SYT1: variants seen among roughly 807,000 people sequenced by gnomAD.
SYT1 encodes the protein synaptotagmin-1.
Under a neutral mutation model 44.8 loss-of-function variants are expected in SYT1, and 8 were observed. The ratio of observed to expected loss-of-function variants is 0.18; its 90% CI spans 0.10 to 0.32. SYT1 has a LOEUF of 0.32. Among genes scored for constraint, SYT1 ranks in the 10% least tolerant of loss-of-function variants. The pLI, the probability that SYT1 is intolerant of heterozygous loss-of-function variation, is 1.00. For missense variants in SYT1, 286 were observed against 509.3 expected, an observed-to-expected ratio of 0.56 and a Z score of 4.22; for synonymous variants, 154 against 188.8, an observed-to-expected ratio of 0.82 and a Z score of 1.51.
At chr12:79,314,248 C>T (rs1307163580) in intron 8 of SYT1, among the ~76,000 whole-genome samples, 1 of 151,714 alleles carries the variant, frequency 6.6e-6, no homozygotes, top group Admixed American at 6.6e-5. Flanking sequence ...CCTTGCCAGC[C>T]GAAAAGCATT....
At chr12:79,169,370 G>T (rs1302872133) in intron 3 of SYT1, among the ~76,000 whole-genome samples, 1 of 151,872 alleles carries the variant, frequency 6.6e-6, no homozygotes, top group Non-Finnish European at 1.5e-5. Flanking sequence ...ATTATAAATG[G>T]TATGAAAAAT....
At chr12:79,144,038 C>T (rs1869725330) in intron 3 of SYT1, among the ~76,000 whole-genome samples, 1 of 152,170 alleles carries the variant, frequency 6.6e-6, no homozygotes, top group African/African-American at 2.4e-5. Context: ...AGATAAAGCA[C>T]ACCACACTTG....
At chr12:78,929,300 G>A (rs113139870) in intron 1 of SYT1, among the ~76,000 whole-genome samples, 12,134 of 150,216 alleles carry the variant, frequency 0.081, 556 homozygotes, top group East Asian at 0.18. Context: ...TACTCATGAG[G>A]CTGAGGCAGG....
intron 8 of SYT1, among the ~76,000 whole-genome samples, chr12:79,344,404 T>G (rs1463310232): frequency 6.6e-6 from 1 of 152,292 alleles, no homozygotes; most frequent in East Asian, 1.9e-4. Context: ...ATACACATGG[T>G]GGTCCAGTGC....
chr12:79,437,216 AAAGAGTTTT>A (rs1870140636), intron 9 of SYT1, among the ~76,000 whole-genome samples: 1 of 152,210 alleles, frequency 6.6e-6, no homozygotes, highest in Non-Finnish European at 1.5e-5. Flanking sequence ...ACAAGCCACT[AAAGAGTTTT>A]AATGAGGAGG....
In SYT1 at chr12:79,179,015, GATATAGATATAGAT is replaced by G. The variant is rs1359651841; in HGVS notation, c.-17-38470_-17-38457del. Among the ~76,000 whole-genome samples, 5 of 17,034 alleles carry G rather than the reference GATATAGATATAGAT, an allele frequency of 2.9e-4. 1 individual carries two copies. Among genetic ancestry groups the G allele is most frequent in the Admixed American group, 1.7e-3 (2 of 1,208 alleles). The allele number at this position is 17,034 out of a possible 152,430, so 11.2% of individuals were successfully genotyped here. On this transcript the variant is annotated intron_variant, in intron 3 of 10. Coordinates refer to ENST00000261205, the MANE Select transcript of SYT1 (RefSeq NM_005639.3). ...ATATAGATATAGATATAGATATATA[GATATAGATATAGAT>G]ATATAGATATAGATATAGATATATA...
At chr12:79,211,521 T>C (rs1222538471) in intron 3 of SYT1, among the ~76,000 whole-genome samples, 3 of 151,966 alleles carry the variant, frequency 2.0e-5, no homozygotes, top group Non-Finnish European at 4.4e-5. Flanking sequence ...ACATGTGCCA[T>C]GCTGGTGCGC....
At chr12:79,007,687 C>A (rs534664282) in intron 2 of SYT1, among the ~76,000 whole-genome samples, 2 of 151,992 alleles carry the variant, frequency 1.3e-5, no homozygotes, top group Admixed American at 6.6e-5. Flanking sequence ...TGTTCCCATA[C>A]GTCAACCTTC....
intron 8 of SYT1, among the ~76,000 whole-genome samples, chr12:79,328,605 G>T (rs1390967543): frequency 6.6e-6 from 1 of 152,156 alleles, no homozygotes; most frequent in East Asian, 1.9e-4. Flanking sequence ...CCAGCACTTT[G>T]GGAGGCTGAG....
At chr12:79,211,387 C>T (rs2138535882) in intron 3 of SYT1, among the ~76,000 whole-genome samples, 1 of 151,990 alleles carries the variant, frequency 6.6e-6, no homozygotes, top group South Asian at 2.1e-4. Flanking sequence ...CTTTTATATC[C>T]ATTTAAGATT....
At chr12:78,996,608 A>G (rs887593028) in intron 2 of SYT1, among the ~76,000 whole-genome samples, 1 of 152,188 alleles carries the variant, frequency 6.6e-6, no homozygotes, top group African/African-American at 2.4e-5. Flanking sequence ...CCTATCAATA[A>G]TTAGGTTTCT....
At position 78,931,323 on chromosome 12, in the gene SYT1, GGGAGGGAGGGAGGGAAGGAAGGAA is replaced by G. The variant is rs1451093967; in HGVS notation, c.-216-46472_-216-46449del. 2.3e-3 allele frequency among the ~76,000 whole-genome samples: 58 copies of G among 25,528 alleles called. 3 individuals are homozygous for G. Among genetic ancestry groups the G allele is most frequent in the South Asian group, 0.016 (5 of 320 alleles). The allele number at this position is 25,528 out of a possible 152,430, so 16.7% of individuals were successfully genotyped here. ...GGAAGGAAGGAGAGGGAGGGAGGGA[GGGAGGGAGGGAGGGAAGGAAGGAA>G]GGAAGGAAGGAAGGAAGGAAGGAAG... On this transcript the variant is annotated intron_variant, in intron 1 of 10. Coordinates refer to ENST00000261205, the MANE Select transcript of SYT1 (RefSeq NM_005639.3).
At chr12:79,276,402 G>T (rs1367133180) in intron 4 of SYT1, among the ~76,000 whole-genome samples, 1 of 151,900 alleles carries the variant, frequency 6.6e-6, no homozygotes, top group Non-Finnish European at 1.5e-5. Flanking sequence ...AATTAGTGGG[G>T]CGCAATGACT....
chr12:79,431,513 A>ATTTTTTTAT (rs1555225314), intron 9 of SYT1, among the ~76,000 whole-genome samples: 3 of 142,702 alleles, frequency 2.1e-5, no homozygotes, highest in Non-Finnish European at 4.5e-5. Context: ...ATTTTATTTT[A>ATTTTTTTAT]TTATTTATTT....
Position 79,285,821 on chromosome 12 carries a change from C to G in SYT1, c.201C>G (p.Val67=), listed in dbSNP as rs751003375. 37 of 1,611,200 alleles carry G rather than the reference C, an allele frequency of 2.3e-5. No individual in the cohort carries two copies. Among genetic ancestry groups the G allele is most frequent in the Non-Finnish European group, 3.1e-5 (37 of 1,179,294 alleles). ...PPWALIAIAI[V]AVLLVLTCCF... ...GGGCCTTAATTGCAATAGCCATAGT[C>G]GCAGTCCTTTTAGTCCTGACCTGCT... Residue 67 remains valine (V), a synonymous_variant, in exon 5 of 11, where the codon GTC becomes GTG. Coordinates refer to ENST00000261205, the MANE Select transcript of SYT1 (RefSeq NM_005639.3).
intron 3 of SYT1, among the ~76,000 whole-genome samples, chr12:79,210,569 G>A (rs1874377443): frequency 1.3e-5 from 2 of 152,154 alleles, no homozygotes; most frequent in East Asian, 3.8e-4. Flanking sequence ...TGCTGCAAGT[G>A]CCGTTTATTC....
chr12:78,876,712 A>G (rs1874105935), intron 1 of SYT1, among the ~76,000 whole-genome samples: 1 of 115,496 alleles, frequency 8.7e-6, no homozygotes, highest in Non-Finnish European at 1.7e-5. Flanking sequence ...ATTATATAAT[A>G]TATTATATAA....
chr12:79,214,564 A>G (rs555323740), intron 3 of SYT1, among the ~76,000 whole-genome samples: 1 of 152,204 alleles, frequency 6.6e-6, no homozygotes, highest in African/African-American at 2.4e-5. Context: ...AATGAAAACT[A>G]TTTAGCAACT....
At chr12:79,388,443 A>C (rs1279068955) in intron 9 of SYT1, among the ~76,000 whole-genome samples, 1 of 152,140 alleles carries the variant, frequency 6.6e-6, no homozygotes, top group Non-Finnish European at 1.5e-5. Flanking sequence ...ATCTGTAATC[A>C]TAACACTTTG....
Sources: allele counts gnomAD v4.1 joint callset (sites outside exome capture counted in the v4.1 genomes callset), GRCh38; gene constraint gnomAD v4.1.1; transcripts MANE v1.5; gene names NCBI Gene and HGNC (gene_info 2026-07-23, HGNC 2026-07-21).